The following MYH14 variants were observed in gnomAD, a reference collection of about 807,000 sequenced individuals.
MYH14 encodes myosin heavy chain 14, also known as myosin-14.
MYH14 carries 123 observed loss-of-function variants against 255.5 expected under a neutral mutation model. The observed-to-expected ratio is 0.48, with a 90% CI of 0.42 to 0.56. The LOEUF is 0.56. Ranked by LOEUF, MYH14 falls within the 20% of genes least tolerant of loss-of-function variation. The pLI, the probability that MYH14 is intolerant of heterozygous loss-of-function variation, is 0.00. For synonymous variants in MYH14, 1,095 were observed against 1,161.2 expected (o/e 0.94, Z 1.16); for missense variants, 2,423 against 2,802.3 (o/e 0.86, Z 3.06).
chr19:50,274,083 G>A (rs556071835), intron 27 of MYH14, among the ~76,000 whole-genome samples: 21 of 152,198 alleles, frequency 1.4e-4, no homozygotes, highest in Non-Finnish European at 1.5e-4. Context: ...TTAGTGTGAG[G>A]GTTAAAGAAG....
intron 1 of MYH14, among the ~76,000 whole-genome samples, chr19:50,208,908 C>T: frequency 6.6e-6 from 1 of 152,066 alleles, no homozygotes; most frequent in Middle Eastern, 3.2e-3. Context: ...AATCCCAGTA[C>T]TTTGGGGAGC....
intron 41 of MYH14, among the ~76,000 whole-genome samples, chr19:50,307,407 A>T (rs1486655479): frequency 6.6e-6 from 1 of 152,164 alleles, no homozygotes; most frequent in Admixed American, 6.5e-5. Context: ...AGGGCAAGGG[A>T]AGAAGTTAAA....
chr19:50,217,717 G>A lies in MYH14; in HGVS notation c.508G>A (p.Val170Met). The change falls in exon 3 of 43, where the codon GTG becomes ATG. Residue 170 changes from valine to methionine, a missense_variant. Around this residue, in one of 3 missense-constraint regions of MYH14, gnomAD observed 672 missense variants for 881.8 expected, o/e 0.76. Transcript: ENST00000642316. Reference sequence around the variant, plus strand: ...GTACCGGGGCAAGAAGCGCCACGAGGTGCCACCCCACGTGTACGCAGTGAC... The same window carrying A: ...GTACCGGGGCAAGAAGCGCCACGAGATGCCACCCCACGTGTACGCAGTGAC... Reference protein sequence around the residue: ...EMYRGKKRHEVPPHVYAVTEG... With the variant: ...EMYRGKKRHEMPPHVYAVTEG... The A allele has an allele frequency of 6.2e-7, 1 of 1,613,980 alleles. No homozygotes were observed. The highest frequency in any genetic ancestry group is 8.5e-7 in the Non-Finnish European group (1 of 1,179,904).
Position 50,203,646 on chromosome 19 carries a change from A to T in MYH14, c.-29A>T, listed in dbSNP as rs2031566070. 6.6e-6 allele frequency: 1 copy of T among 152,256 alleles called. No individual in the cohort carries two copies. Among genetic ancestry groups the T allele is most frequent in the East Asian group, 1.9e-4 (1 of 5,162 alleles). 9.4% of individuals were successfully genotyped at this position (152,256 alleles called of 1,614,324 possible). On this transcript the variant is annotated 5_prime_UTR_variant, in exon 1 of 43. Transcript: ENST00000642316. Reference sequence around the variant, plus strand: ...CACGCCCCTCTTTCTCCCCAGGCCGAAGCCTCGGGACGGCCCTGGAAGCCG... The same window carrying T: ...CACGCCCCTCTTTCTCCCCAGGCCGTAGCCTCGGGACGGCCCTGGAAGCCG...
chr19:50,301,556 G>A (rs992089977), intron 39 of MYH14, 105 bp from the exon 40 acceptor site: 35 of 757,012 alleles, frequency 4.6e-5, no homozygotes, highest in Admixed American at 3.8e-4. Flanking sequence ...TGTGCTATGC[G>A]TGTGACAATC....
chr19:50,210,079 C>A (rs2032078828), intron 1 of MYH14, among the ~76,000 whole-genome samples: 1 of 103,688 alleles, frequency 9.6e-6, no homozygotes, highest in African/African-American at 3.7e-5. Flanking sequence ...GCCTGGGCAA[C>A]AAGCGAGACT....
chr19:50,242,188 C>T (rs1419810718), intron 10 of MYH14, among the ~76,000 whole-genome samples: 1 of 152,190 alleles, frequency 6.6e-6, no homozygotes, highest in Non-Finnish European at 1.5e-5. Context: ...GAGACATATT[C>T]TAGGGGGCAG....
At chr19:50,224,476 A>G (rs993945062) in intron 6 of MYH14, among the ~76,000 whole-genome samples, 1 of 152,218 alleles carries the variant, frequency 6.6e-6, no homozygotes, top group African/African-American at 2.4e-5. Context: ...CAGTGTAGCA[A>G]GGGAAATACA....
At chr19:50,253,442 CA>C (rs35465096) in intron 16 of MYH14, among the ~76,000 whole-genome samples, 24,946 of 118,388 alleles carry the variant, frequency 0.21, 2,117 homozygotes, top group African/African-American at 0.28. Context: ...GACTCTGTCC[CA>C]AAAAAAAAAA....
intron 12 of MYH14, among the ~76,000 whole-genome samples, chr19:50,248,674 G>A (rs182719422): frequency 1.3e-5 from 2 of 152,326 alleles, no homozygotes; most frequent in East Asian, 3.9e-4. Context: ...GGCAGAGCTG[G>A]GATTCAAACC....
chr19:50,302,202 T>C (rs1474000410), intron 40 of MYH14, among the ~76,000 whole-genome samples: 2 of 149,432 alleles, frequency 1.3e-5, no homozygotes, highest in Admixed American at 6.7e-5. Flanking sequence ...GAAGATAGCT[T>C]AAGCCCAGGA....
intron 18 of MYH14, 110 bp from the exon 19 acceptor site, chr19:50,259,034 T>G (rs1048293276): frequency 7.1e-7 from 1 of 1,409,400 alleles, no homozygotes; most frequent in African/African-American, 1.4e-5. Flanking sequence ...CCTAGGCACC[T>G]AGTAGGTGCT....
rs749217022 is a variant in MYH14 at position 50,293,242 on chromosome 19, G to A, written c.5266G>A (p.Ala1756Thr). 9 of 1,605,256 alleles carry A rather than the reference G, an allele frequency of 5.6e-6. No homozygotes were observed. Among genetic ancestry groups the A allele is most frequent in the Non-Finnish European group, 6.8e-6 (8 of 1,176,300 alleles). The change falls in exon 38 of 43, where the codon GCC (alanine) becomes ACC (threonine). Residue 1756 changes from alanine (A) to threonine (T), a missense_variant. This residue lies in a region of MYH14 where 1,513 missense variants were observed against 1,674.8 expected (regional missense o/e 0.90). Coordinates refer to ENST00000642316, the MANE Select transcript of MYH14 (RefSeq NM_001145809.2). This position sits in a 1 kb window ranked among gnomAD's most constrained non-coding sequence, Gnocchi z 4.1. ...EVLRLQEELA[A>T]SDRARRQAQQ... ...CCCTCCATCATCACAGGAACTGGCC[G>A]CCTCGGACCGTGCTCGGCGGCAGGC... is the stretch of plus-strand genomic sequence containing the variant.
intron 22 of MYH14, among the ~76,000 whole-genome samples, chr19:50,265,811 A>G (rs1433436547): frequency 2.6e-5 from 4 of 152,074 alleles, no homozygotes; most frequent in Non-Finnish European, 5.9e-5. Flanking sequence ...ACAGAGTGAG[A>G]CTCTGTCTCA....
intron 39 of MYH14, among the ~76,000 whole-genome samples, chr19:50,297,075 T>G (rs2036293565): frequency 6.6e-6 from 1 of 151,430 alleles, no homozygotes; most frequent in Non-Finnish European, 1.5e-5. Context: ...AACCTCTGCC[T>G]CCCGGATTCA....
intron 1 of MYH14, among the ~76,000 whole-genome samples, chr19:50,206,252 G>A (rs1381356619): frequency 2.0e-5 from 3 of 152,146 alleles, no homozygotes; most frequent in Non-Finnish European, 4.4e-5. Flanking sequence ...CCTGGGAGAG[G>A]AGGAGGCTGG....
intron 11 of MYH14, 72 bp from the exon 12 acceptor site, chr19:50,246,932 T>C: frequency 9.1e-7 from 1 of 1,094,742 alleles, no homozygotes; most frequent in Non-Finnish European, 1.3e-6. Context: ...TGGGAAACGG[T>C]ACCCTCTCCC....
In MYH14 at chr19:50,255,223, A is replaced by T. The variant is rs1389534893; in HGVS notation, c.1949A>T (p.His650Leu). Reference protein sequence around the residue: ...RLTAEIWKDEHGGFQQFSFLG... With the variant: ...RLTAEIWKDELGGFQQFSFLG... The stretch of plus-strand genomic sequence containing the variant: ...CACATCTGTCCTCACTCCCCAGAAC[A>T]TGGGGGCTTCCAGCAGTTCTCTTTC... Residue 650 changes from histidine (H) to leucine (L), a missense_variant, in exon 17 of 43, where the codon CAT becomes CTT. Physicochemically the swap from His to Leu is moderately conservative, Grantham distance 99. Transcript: ENST00000642316. 11 of 1,550,018 alleles carry T rather than the reference A, an allele frequency of 7.1e-6. No individual in the cohort carries two copies. The highest frequency in any genetic ancestry group is 9.6e-6 in the Non-Finnish European group (11 of 1,145,846).
At position 50,266,903 on chromosome 19, in the gene MYH14, G is replaced by T. The variant is rs1428073232; in HGVS notation, c.2721G>T (p.Arg907=). 11 of 1,551,984 alleles carry T rather than the reference G, an allele frequency of 7.1e-6. No individual in the cohort carries two copies. Among genetic ancestry groups the T allele is most frequent in the Non-Finnish European group, 9.6e-6 (11 of 1,147,210 alleles). Reference sequence around the variant, plus strand: ...TGAAGCCACTGCTGCAGGTGACGCGGCAGGATGAGGTGCTGCAGGCACGGG... The same window carrying T: ...TGAAGCCACTGCTGCAGGTGACGCGTCAGGATGAGGTGCTGCAGGCACGGG... ...TKVKPLLQVT[R]QDEVLQARAQ... is the part of the protein sequence containing the mutation. Residue 907 remains arginine (R), a synonymous_variant, in exon 23 of 43, where the codon CGG becomes CGT. Transcript: ENST00000642316. The surrounding 1 kb of genome is among the most constrained non-coding windows in gnomAD (Gnocchi z 4.1).
Sources: allele counts gnomAD v4.1 joint callset (sites outside exome capture counted in the v4.1 genomes callset), GRCh38; gene constraint gnomAD v4.1.1; regional missense constraint gnomAD v4.1.1; non-coding constraint Gnocchi (gnomAD v3.1); transcripts MANE v1.5; gene names NCBI Gene and HGNC (gene_info 2026-07-23, HGNC 2026-07-21).